TBC1D19: variants seen among roughly 807,000 people sequenced by gnomAD.
TBC1D19 encodes the protein TBC1 domain family member 19, also known as TBC1 domain family, member 19.
Under a neutral mutation model 89.0 loss-of-function variants are expected in TBC1D19, and 60 were observed. The observed-to-expected ratio is 0.67, with a 90% CI of 0.55 to 0.84. TBC1D19 has a LOEUF of 0.84. Among genes scored for constraint, TBC1D19 ranks in the 40% least tolerant of loss-of-function variants. The pLI is 0.00. For missense variants in TBC1D19, 500 were observed against 610.8 expected (o/e 0.82, Z 1.91); for synonymous variants, 189 against 199.7 (o/e 0.95, Z 0.45).
At chr4:26,652,497 TC>T (rs912798465) in intron 7 of TBC1D19, among the ~76,000 whole-genome samples, 41 of 152,270 alleles carry the variant, frequency 2.7e-4, no homozygotes, top group African/African-American at 9.9e-4. Flanking sequence ...ACCTCTTGCC[TC>T]CCTGAGAGCT....
At chr4:26,784,782 A>G in the TBC1D19 span, among the ~76,000 whole-genome samples, 1 of 152,176 alleles carries the variant, frequency 6.6e-6, no homozygotes, top group African/African-American at 2.4e-5. Context: ...CACTTTCTGA[A>G]TTTATGAGAA....
intron 12 of TBC1D19, among the ~76,000 whole-genome samples, chr4:26,688,075 T>C (rs1052955838): frequency 3.3e-5 from 5 of 152,170 alleles, no homozygotes; most frequent in African/African-American, 1.2e-4. Context: ...CTTTAAGCCA[T>C]CTAAATATTA....
At chr4:26,830,022 G>A in the TBC1D19 span, among the ~76,000 whole-genome samples, 1 of 152,170 alleles carries the variant, frequency 6.6e-6, no homozygotes, top group East Asian at 1.9e-4. Context: ...CTGGATTTGA[G>A]GGATTAGGGC....
At chr4:26,840,952 A>G in the TBC1D19 span, among the ~76,000 whole-genome samples, 1 of 151,846 alleles carries the variant, frequency 6.6e-6, no homozygotes, top group Admixed American at 6.6e-5. Flanking sequence ...CTCCTCCTCT[A>G]ACCCTTCCCC....
chr4:26,802,548 G>A, the TBC1D19 span, among the ~76,000 whole-genome samples: 4 of 152,196 alleles, frequency 2.6e-5, no homozygotes, highest in East Asian at 7.7e-4. Flanking sequence ...GTTGCAGTGA[G>A]CCAAGATCTC....
At chr4:26,675,604 G>A (rs1712737774) in intron 11 of TBC1D19, among the ~76,000 whole-genome samples, 1 of 152,032 alleles carries the variant, frequency 6.6e-6, no homozygotes, top group Non-Finnish European at 1.5e-5. Context: ...AACTATAGCA[G>A]TTCCAAAATA....
the TBC1D19 span, among the ~76,000 whole-genome samples, chr4:26,804,267 T>A: frequency 6.6e-6 from 1 of 152,120 alleles, no homozygotes; most frequent in African/African-American, 2.4e-5. Context: ...TGCCTCAGCC[T>A]CCCGAGTAGC....
intron 16 of TBC1D19, among the ~76,000 whole-genome samples, chr4:26,736,747 A>T (rs1718072725): frequency 1.3e-5 from 2 of 152,214 alleles, no homozygotes; most frequent in Admixed American, 1.3e-4. Flanking sequence ...GTTTGAGCTC[A>T]TGATTTCTCC....
the TBC1D19 span, among the ~76,000 whole-genome samples, chr4:26,847,164 C>T: frequency 6.6e-6 from 1 of 152,196 alleles, no homozygotes; most frequent in African/African-American, 2.4e-5. Flanking sequence ...CTACCACACA[C>T]TCTTCTAGCC....
At chr4:26,810,802 C>G in the TBC1D19 span, among the ~76,000 whole-genome samples, 1 of 152,140 alleles carries the variant, frequency 6.6e-6, no homozygotes, top group African/African-American at 2.4e-5. Flanking sequence ...ACAGTAAGTT[C>G]CAGAATGCAG....
chr4:26,673,446 T>TACACACACACACAC lies in TBC1D19; in HGVS notation c.704-314_704-301dup, dbSNP rs61054571. 2.7e-3 allele frequency among the ~76,000 whole-genome samples: 243 copies of TACACACACACACAC among 90,864 alleles called. 3 individuals are homozygous for TACACACACACACAC. Among genetic ancestry groups the TACACACACACACAC allele is most frequent in the African/African-American group, 0.01 (237 of 23,506 alleles). 59.6% of individuals were successfully genotyped at this position (90,864 alleles called of 152,430 possible). On this transcript the variant is annotated intron_variant, in intron 10 of 20. Coordinates refer to ENST00000264866, the MANE Select transcript of TBC1D19 (RefSeq NM_018317.4). Reference sequence around the variant, plus strand: ...TTTCATATATATATATATATATATATACACACACACACACACACACACACA... The same window carrying TACACACACACACAC: ...TTTCATATATATATATATATATATATACACACACACACACACACACACACACACACACACACACA...
downstream of TBC1D19, among the ~76,000 whole-genome samples, chr4:26,759,642 C>T (rs952469033): frequency 6.6e-6 from 1 of 152,140 alleles, no homozygotes; most frequent in Non-Finnish European, 1.5e-5. Context: ...CACGCATTCA[C>T]TCCAACCACT....
chr4:26,675,438 C>A (rs1355570793), intron 11 of TBC1D19, among the ~76,000 whole-genome samples: 2 of 152,004 alleles, frequency 1.3e-5, no homozygotes, highest in Admixed American at 1.3e-4. Flanking sequence ...AATTTTGGAG[C>A]TAATAGCCAT....
the TBC1D19 span, among the ~76,000 whole-genome samples, chr4:26,843,710 G>T: frequency 6.6e-6 from 1 of 152,074 alleles, no homozygotes; most frequent in South Asian, 2.1e-4. Flanking sequence ...TGCTATAAAG[G>T]TGTACCCTAG....
At chr4:26,782,737 C>CT in the TBC1D19 span, among the ~76,000 whole-genome samples, 29 of 148,328 alleles carry the variant, frequency 2.0e-4, no homozygotes, top group African/African-American at 2.0e-4. Context: ...AAAACATTGA[C>CT]TTTTTTTTTA....
the TBC1D19 span, among the ~76,000 whole-genome samples, chr4:26,771,940 A>T: frequency 6.6e-6 from 1 of 152,232 alleles, no homozygotes; most frequent in South Asian, 2.1e-4. Context: ...TGTCATTAAA[A>T]CAAAACTTTG....
At chr4:26,578,560 C>G (rs1196018375) in intron 1 of TBC1D19, among the ~76,000 whole-genome samples, 1 of 151,770 alleles carries the variant, frequency 6.6e-6, no homozygotes, top group Non-Finnish European at 1.5e-5. Flanking sequence ...AGGAAACATT[C>G]TGGAGTAGAA....
intron 1 of TBC1D19, among the ~76,000 whole-genome samples, chr4:26,593,976 C>A (rs1038541587): frequency 2.0e-5 from 3 of 152,156 alleles, no homozygotes; most frequent in Non-Finnish European, 4.4e-5. Context: ...TTGACCCAGC[C>A]ATCCCATTAC....
chr4:26,745,907 T>C (rs1290131071), intron 18 of TBC1D19, among the ~76,000 whole-genome samples: 2 of 152,194 alleles, frequency 1.3e-5, no homozygotes, highest in Non-Finnish European at 2.9e-5. Context: ...CAGGAAGAAG[T>C]GATATCAATC....
Sources: allele counts gnomAD v4.1 joint callset (sites outside exome capture counted in the v4.1 genomes callset), GRCh38; gene constraint gnomAD v4.1.1; transcripts MANE v1.5; gene names NCBI Gene and HGNC (gene_info 2026-07-23, HGNC 2026-07-21).